STK10: variants seen among roughly 807,000 people sequenced by gnomAD.
STK10 encodes serine/threonine-protein kinase 10.
Under a neutral mutation model 113.8 loss-of-function variants are expected in STK10, and 78 were observed. That is an observed-to-expected ratio of 0.69 (90% CI 0.57 to 0.83). The LOEUF is 0.83. STK10 is among the 40% of genes least tolerant of loss of function. The pLI is 0.00. For synonymous variants in STK10, 465 were observed against 494.7 expected, an observed-to-expected ratio of 0.94 and a Z score of 0.80; for missense variants, 1,109 against 1,280.1, an observed-to-expected ratio of 0.87 and a Z score of 2.04.
intron 1 of STK10, among the ~76,000 whole-genome samples, chr5:172,165,612 C>T (rs540421329): frequency 1.2e-4 from 14 of 119,740 alleles, no homozygotes; most frequent in East Asian, 9.6e-4. Context: ...GGATTCATAG[C>T]GGGTTGACCT....
At chr5:172,073,567 G>A (rs1358767276) in intron 12 of STK10, among the ~76,000 whole-genome samples, 2 of 151,924 alleles carry the variant, frequency 1.3e-5, no homozygotes, top group Admixed American at 6.6e-5. Flanking sequence ...TTAGTTGCTA[G>A]GATTATAGGC....
rs563338090 is a variant in STK10 at position 172,133,724 on chromosome 5, C to A, written c.322-6303G>T. 3.3e-5 allele frequency among the ~76,000 whole-genome samples: 5 copies of A among 152,312 alleles called. No homozygotes were observed. The highest frequency in any genetic ancestry group is 1.2e-4 in the African/African-American group (5 of 41,572). On this transcript the variant is annotated intron_variant, in intron 2 of 18. Transcript: ENST00000176763. The surrounding 1 kb of genome is among the most constrained non-coding windows in gnomAD (Gnocchi z 4.9). ...GAATCACAGGAAAACGGAGAACAAGCCTGCTCCCTACTGACTTTTTAGGCA... is the reference window on the plus strand; with the variant it reads ...GAATCACAGGAAAACGGAGAACAAGACTGCTCCCTACTGACTTTTTAGGCA...
chr5:172,151,794 C>G (rs910302685), intron 2 of STK10, among the ~76,000 whole-genome samples: 1 of 152,224 alleles, frequency 6.6e-6, no homozygotes, highest in Non-Finnish European at 1.5e-5. Flanking sequence ...CACCATGGGG[C>G]CTTCCACTTA....
At chr5:172,147,083 A>G (rs11952966) in intron 2 of STK10, among the ~76,000 whole-genome samples, 38 of 152,346 alleles carry the variant, frequency 2.5e-4, no homozygotes, top group African/African-American at 7.7e-4. Context: ...ACTGGCTCAC[A>G]GAACTCATGG....
chr5:172,112,701 G>A (rs1769264932), intron 4 of STK10, among the ~76,000 whole-genome samples: 1 of 151,512 alleles, frequency 6.6e-6, no homozygotes. Flanking sequence ...TTACAGGTGT[G>A]AGCCACTGCA....
chr5:172,103,118 A>G (rs928335596), intron 7 of STK10, among the ~76,000 whole-genome samples: 1 of 152,236 alleles, frequency 6.6e-6, no homozygotes, highest in African/African-American at 2.4e-5. Context: ...GACACCCTGA[A>G]GGCTGACAGC....
chr5:172,124,589 A>AT (rs1434676884), intron 3 of STK10, among the ~76,000 whole-genome samples: 8 of 152,140 alleles, frequency 5.3e-5, no homozygotes, highest in African/African-American at 1.7e-4. Context: ...TGGGTCCTAC[A>AT]TTTCTACAGC....
Position 172,055,687 on chromosome 5 carries a change from G to C in STK10, c.2427C>G (p.Ile809Met). ...QQQEKARLPK[I>M]QRSEGKTRMA... Reference sequence around the variant, plus strand: ...TGCGCGTCTTGCCCTCACTCCTCTGGATCTTGGGCAGCCGCGCCTTTTCCT... The same window carrying C: ...TGCGCGTCTTGCCCTCACTCCTCTGCATCTTGGGCAGCCGCGCCTTTTCCT... The change falls in exon 16 of 19, where the codon ATC becomes ATG. Residue 809 changes from isoleucine to methionine, a missense_variant. Physicochemically the swap from Ile to Met is conservative, Grantham distance 10 (BLOSUM62 1). Around this residue, in one of 5 missense-constraint regions of STK10, gnomAD observed 885 missense variants for 991.1 expected, o/e 0.89. Transcript: ENST00000176763. 1.9e-6 allele frequency: 3 copies of C among 1,587,198 alleles called. No homozygotes were observed. The highest frequency in any genetic ancestry group is 2.3e-5 in the South Asian group (2 of 87,476).
At chr5:172,057,223 G>A in intron 15 of STK10, 126 bp downstream of exon 15, 1 of 1,399,124 alleles carries the variant, frequency 7.1e-7, no homozygotes. Context: ...AGCCAGCCCT[G>A]GCTCCTCTTG....
chr5:172,151,009 G>A lies in STK10; in HGVS notation c.321+5615C>T, dbSNP rs137990509. ...CGTCCTGTCTCCTTTCATCTCCCCA[G>A]TGCATATCTACCATGGACAGATTTC... On this transcript the variant is annotated intron_variant, in intron 2 of 18. Transcript: ENST00000176763. Among the ~76,000 whole-genome samples, 447 of 152,314 alleles carry A rather than the reference G, an allele frequency of 2.9e-3. 4 individuals are homozygous for A. Among genetic ancestry groups the A allele is most frequent in the African/African-American group, 0.01 (421 of 41,580 alleles).
Position 172,163,048 on chromosome 5 carries a change from G to A in STK10, c.157-6260C>T, listed in dbSNP as rs536380834. ...GAACCACGGACCAAAAAGTGACTTG[G>A]CCAAAATTAAATTCTTTCAAAGCCT... On this transcript the variant is annotated intron_variant, in intron 1 of 18. Coordinates refer to ENST00000176763, the MANE Select transcript of STK10 (RefSeq NM_005990.4). Among the ~76,000 whole-genome samples the A allele has an allele frequency of 4.2e-3, 638 of 152,260 alleles. 8 individuals are homozygous for A. The highest frequency in any genetic ancestry group is 2.6e-3 in the Non-Finnish European group (179 of 68,008).
intron 12 of STK10, among the ~76,000 whole-genome samples, chr5:172,075,914 G>T (rs1340367217): frequency 6.6e-6 from 1 of 152,124 alleles, no homozygotes; most frequent in African/African-American, 2.4e-5. Flanking sequence ...GCTCTTTTTG[G>T]AACAGTCTGG....
At chr5:172,165,041 G>A (rs564548652) in intron 1 of STK10, among the ~76,000 whole-genome samples, 1 of 152,290 alleles carries the variant, frequency 6.6e-6, no homozygotes, top group East Asian at 1.9e-4. Flanking sequence ...GGAGGAGGTG[G>A]GGATAACCCT....
intron 1 of STK10, among the ~76,000 whole-genome samples, chr5:172,165,978 C>G (rs2339361): frequency 0.58 from 88,246 of 151,678 alleles, 25,708 homozygotes; most frequent in East Asian, 0.62. Flanking sequence ...TTTTTAGTGG[C>G]GACGGGGTTT....
At chr5:172,096,816 C>T (rs1045602505) in intron 7 of STK10, among the ~76,000 whole-genome samples, 13 of 152,208 alleles carry the variant, frequency 8.5e-5, no homozygotes, top group African/African-American at 3.1e-4. Flanking sequence ...GGCTCCTCAT[C>T]TCTCAAGTGG....
chr5:172,121,872 C>CTT (rs35742153), intron 3 of STK10, among the ~76,000 whole-genome samples: 4,304 of 142,256 alleles, frequency 0.03, 227 homozygotes, highest in African/African-American at 0.1. Context: ...AGCTAATATA[C>CTT]TTTTTTTTTT....
At position 172,156,797 on chromosome 5, in the gene STK10, A is replaced by T; in HGVS notation, c.157-9T>A. The stretch of plus-strand genomic sequence containing the variant: ...GTCTCCTTATTCTTGGCCTGCAAAG[A>T]GGAGATACAGGAGGTCAACAAGGCA... On this transcript the variant is annotated splice_polypyrimidine_tract_variant and intron_variant, in intron 1 of 18. Coordinates refer to ENST00000176763, the MANE Select transcript of STK10 (RefSeq NM_005990.4). 6.2e-7 allele frequency: 1 copy of T among 1,608,040 alleles called. No individual in the cohort carries two copies. Among genetic ancestry groups the T allele is most frequent in the Non-Finnish European group, 8.5e-7 (1 of 1,175,176 alleles).
rs1340423926 is a variant in STK10, at chr5:172,061,219, T to C, written c.2132A>G (p.Lys711Arg). 4 of 1,613,342 alleles carry C rather than the reference T, an allele frequency of 2.5e-6. No individual in the cohort carries two copies. Among genetic ancestry groups the C allele is most frequent in the African/African-American group, 1.3e-5 (1 of 74,798 alleles). ...CCGCCTGTTGTCGGTGGTGAGCCTC[T>C]TCATGGCCAGCTCCAGGTCCTCCTT... Reference protein sequence around the residue: ...KQKEDLELAMKRLTTDNRREI... With the variant: ...KQKEDLELAMRRLTTDNRREI... The change falls in exon 14 of 19, where the codon AAG (lysine) becomes AGG (arginine). Residue 711 changes from lysine to arginine, a missense_variant. Lys to Arg is a conservative substitution (Grantham distance 26). Transcript: ENST00000176763.
At chr5:172,111,879 T>C (rs1769245243) in intron 4 of STK10, among the ~76,000 whole-genome samples, 1 of 152,236 alleles carries the variant, frequency 6.6e-6, no homozygotes, top group South Asian at 2.1e-4. Context: ...TTTACTCATA[T>C]ATGTAAAAAA....
Sources: allele counts gnomAD v4.1 joint callset (sites outside exome capture counted in the v4.1 genomes callset), GRCh38; gene constraint gnomAD v4.1.1; regional missense constraint gnomAD v4.1.1; non-coding constraint Gnocchi (gnomAD v3.1); transcripts MANE v1.5; gene names NCBI Gene and HGNC (gene_info 2026-07-23, HGNC 2026-07-21).